Variants in SYBU observed in about 807,000 individuals in gnomAD.
SYBU encodes syntabulin.
In SYBU, 21 loss-of-function variants were observed where a neutral mutation model predicts 35.9. The ratio of observed to expected loss-of-function variants is 0.58; its 90% CI spans 0.41 to 0.84. SYBU has a LOEUF of 0.84. Among genes scored for constraint, SYBU ranks in the 40% least tolerant of loss-of-function variants. The pLI, the probability that SYBU is intolerant of heterozygous loss-of-function variation, is 0.00. For synonymous variants in SYBU, 319 were observed against 324.3 expected, an observed-to-expected ratio of 0.98 and a Z score of 0.18; for missense variants, 768 against 848.2, an observed-to-expected ratio of 0.91 and a Z score of 1.17.
intron 4 of SYBU, among the ~76,000 whole-genome samples, chr8:109,583,025 TA>T (rs770663730): frequency 6.6e-6 from 1 of 152,154 alleles, no homozygotes. Context: ...CAGTCTATGG[TA>T]CTGGGTTATG....
intron 1 of SYBU, among the ~76,000 whole-genome samples, chr8:109,679,238 G>A (rs13253636): frequency 0.089 from 13,485 of 152,182 alleles, 680 homozygotes; most frequent in East Asian, 0.12. Flanking sequence ...CCTAAATTCC[G>A]GGAATTGCCC....
chr8:109,680,126 A>G lies in SYBU; in HGVS notation c.-129+585T>C, dbSNP rs568043650. 2.0e-5 allele frequency: 3 copies of G among 152,382 alleles called. 1 individual carries two copies. The South Asian group carries it at 6.2e-4, about 32-fold the overall frequency. 9.4% of individuals were successfully genotyped at this position (152,382 alleles called of 1,614,324 possible). On this transcript the variant is annotated intron_variant, in intron 1 of 5. Coordinates refer to the SYBU transcript ENST00000408889. ...TTTGTACAACTACAAAACAACTAGC[A>G]TATCACATTCAAATTAATTCAATTT...
chr8:109,690,666 C>A (rs1817624832), intron 1 of SYBU, among the ~76,000 whole-genome samples: 1 of 152,160 alleles, frequency 6.6e-6, no homozygotes, highest in African/African-American at 2.4e-5. Context: ...TTTCCACATA[C>A]TAAATTAAGC....
At position 109,586,056 on chromosome 8, in the gene SYBU, C is replaced by T. The variant is rs1390554060; in HGVS notation, c.530+4G>A. The T allele has an allele frequency of 6.2e-7, 1 of 1,604,288 alleles. No individual in the cohort carries two copies. On this transcript the variant is annotated splice_donor_region_variant and intron_variant, in intron 4 of 6. Coordinates refer to ENST00000276646, the MANE Select transcript of SYBU (RefSeq NM_001099754.2). ...TTAATTACAGAGCAGGAGATGGTGC[C>T]TACTTGCGTGAAGAAGAAGACCGCT...
chr8:109,667,869 A>C (rs1434271335), intron 1 of SYBU, among the ~76,000 whole-genome samples: 2 of 152,152 alleles, frequency 1.3e-5, no homozygotes, highest in Non-Finnish European at 2.9e-5. Context: ...GAAAAATTTG[A>C]ACAGTTTAAG....
intron 1 of SYBU, among the ~76,000 whole-genome samples, chr8:109,650,039 T>TC (rs926322727): frequency 6.6e-6 from 1 of 152,114 alleles, no homozygotes; most frequent in Non-Finnish European, 1.5e-5. Context: ...GCACCTTCCT[T>TC]CCCCAAGAAA....
chr8:109,605,212 A>G (rs1009270109), intron 3 of SYBU, among the ~76,000 whole-genome samples: 1 of 152,208 alleles, frequency 6.6e-6, no homozygotes, highest in African/African-American at 2.4e-5. Flanking sequence ...AATGGAATAG[A>G]AAGTGGGGCA....
At chr8:109,589,337 A>G (rs1823964018) in intron 3 of SYBU, among the ~76,000 whole-genome samples, 1 of 152,222 alleles carries the variant, frequency 6.6e-6, no homozygotes, top group African/African-American at 2.4e-5. Context: ...TGATACTCAT[A>G]GCACCTGCTT....
At chr8:109,670,163 G>GCTGTTTCCA (rs1404196442) in intron 1 of SYBU, among the ~76,000 whole-genome samples, 2 of 151,780 alleles carry the variant, frequency 1.3e-5, no homozygotes, top group Non-Finnish European at 2.9e-5. Context: ...TCTGTTATTA[G>GCTGTTTCCA]CTGTTTCCAA....
intron 3 of SYBU, among the ~76,000 whole-genome samples, chr8:109,615,653 A>G (rs1284750002): frequency 2.0e-5 from 3 of 152,210 alleles, no homozygotes; most frequent in Non-Finnish European, 2.9e-5. Context: ...ATGAATAAAT[A>G]AAAAGATCAC....
At chr8:109,594,015 G>A (rs888183963) in intron 3 of SYBU, among the ~76,000 whole-genome samples, 3 of 152,212 alleles carry the variant, frequency 2.0e-5, no homozygotes, top group African/African-American at 7.2e-5. Context: ...GAAGTGAACT[G>A]AATTTCTACC....
intron 3 of SYBU, among the ~76,000 whole-genome samples, chr8:109,610,329 G>A (rs1390303824): frequency 6.6e-6 from 1 of 152,188 alleles, no homozygotes; most frequent in Non-Finnish European, 1.5e-5. Flanking sequence ...TCAGCATAGA[G>A]CAAACACTTA....
upstream of SYBU, among the ~76,000 whole-genome samples, chr8:109,682,112 G>C (rs751438151): frequency 6.6e-6 from 1 of 152,158 alleles, no homozygotes; most frequent in Non-Finnish European, 1.5e-5. Flanking sequence ...AGCAGCACGA[G>C]AATAGACTAA....
At position 109,579,486 on chromosome 8, in the gene SYBU, G is replaced by A. The variant is rs148668883; in HGVS notation, c.734+313C>T. ...GTTGCCCAGGCTGGAGTTCAGTGGC[G>A]TGATCTCGGTTCACTGGAACCTCTG... On this transcript the variant is annotated intron_variant, in intron 5 of 6. Coordinates refer to ENST00000276646, the MANE Select transcript of SYBU (RefSeq NM_001099754.2). 1.9e-3 allele frequency among the ~76,000 whole-genome samples: 289 copies of A among 152,190 alleles called. 2 individuals carry two copies. Among genetic ancestry groups the A allele is most frequent in the African/African-American group, 6.6e-3 (275 of 41,518 alleles).
At chr8:109,614,881 C>T (rs945939023) in intron 3 of SYBU, among the ~76,000 whole-genome samples, 10 of 152,220 alleles carry the variant, frequency 6.6e-5, no homozygotes, top group Non-Finnish European at 1.0e-4. Flanking sequence ...AAGAAGTTTC[C>T]AGAACCAGTT....
intron 3 of SYBU, 56 bp from the exon 4 acceptor site, chr8:109,586,218 TG>T: frequency 7.5e-7 from 1 of 1,333,816 alleles, no homozygotes; most frequent in African/African-American, 1.4e-5. Context: ...GAGAACACAT[TG>T]GCCAGTTCCC....
chr8:109,662,298 G>C (rs901805920), intron 1 of SYBU, among the ~76,000 whole-genome samples: 3 of 152,158 alleles, frequency 2.0e-5, no homozygotes, highest in African/African-American at 7.2e-5. Context: ...TCCAGTAAAA[G>C]CACACAAAAC....
intron 4 of SYBU, among the ~76,000 whole-genome samples, chr8:109,583,839 G>C (rs1018233282): frequency 6.6e-5 from 10 of 152,128 alleles, no homozygotes; most frequent in Non-Finnish European, 1.0e-4. Flanking sequence ...AAACAGTCTT[G>C]TTCTGTTGCC....
chr8:109,653,489 G>A (rs1397339804), intron 1 of SYBU, among the ~76,000 whole-genome samples: 2 of 152,116 alleles, frequency 1.3e-5, no homozygotes, highest in Non-Finnish European at 2.9e-5. Context: ...TTTCCCAAAA[G>A]TCTTAACAGC....
Sources: gnomAD v4.1 joint callset for allele counts (sites outside exome capture counted in the v4.1 genomes callset) on GRCh38, gnomAD v4.1.1 for gene constraint, MANE v1.5 for transcripts, NCBI Gene and HGNC (gene_info 2026-07-23, HGNC 2026-07-21) for gene names.